TBX4: variants seen among roughly 807,000 people sequenced by gnomAD.
TBX4 encodes the protein T-box transcription factor 4.
A neutral mutation model predicts 54.6 loss-of-function variants in TBX4; 13 were observed. The ratio of observed to expected loss-of-function variants is 0.24; its 90% confidence interval spans 0.15 to 0.38. TBX4 has a LOEUF of 0.38. Ranked by LOEUF, TBX4 falls within the 10% of genes least tolerant of loss-of-function variation. The pLI is 1.00. For synonymous variants in TBX4, 314 were observed against 306.7 expected (o/e 1.02, Z -0.25); for missense variants, 631 against 728.5 (o/e 0.87, Z 1.54).
chr17:61,463,470 G>C (rs908923858), intron 3 of TBX4: 2 of 152,332 alleles, frequency 1.3e-5, no homozygotes, highest in Admixed American at 6.5e-5. Flanking sequence ...CAAGACACCA[G>C]CTGGGGCTGC....
rs1427460418 is a variant in TBX4, at chr17:61,480,764, C to T, written c.1021+445C>T. 6.6e-6 allele frequency among the ~76,000 whole-genome samples: 1 copy of T among 152,182 alleles called. No homozygotes were observed. The highest frequency in any genetic ancestry group is 2.4e-5 in the African/African-American group (1 of 41,444). On this transcript the variant is annotated intron_variant, in intron 8 of 8. Transcript: ENST00000644296. This position sits in a 1 kb window ranked among gnomAD's most constrained non-coding sequence, Gnocchi z 6.2. ...TTGGTGTCTCACGTGCAGGGCCTTC[C>T]ACCCAATCATTCCTTCCAGGATCTG...
intron 5 of TBX4, among the ~76,000 whole-genome samples, chr17:61,468,865 C>G (rs571807043): frequency 2.6e-5 from 4 of 152,296 alleles, no homozygotes; most frequent in African/African-American, 9.6e-5. Context: ...CTTCCTGGGT[C>G]TCCCTGGGCA....
In TBX4 at chr17:61,480,303, C is replaced by T. The variant is rs577197197; in HGVS notation, c.1005C>T (p.His335=). ...AGAGGGACTCAAGCCTCTTCTATCA[C>T]TGCCTGAAAAGACGAGGTAGGGCTC... is the stretch of plus-strand genomic sequence containing the variant. ...PTQRDSSLFY[H]CLKRRADGTR... The change falls in exon 8 of 9, where the codon CAC becomes CAT. Residue 335 remains histidine, a synonymous_variant. Transcript: ENST00000644296. This position sits in a 1 kb window ranked among gnomAD's most constrained non-coding sequence, Gnocchi z 6.2. 326 of 1,613,768 alleles carry T rather than the reference C, an allele frequency of 2.0e-4. 3 individuals are homozygous for T. In the South Asian group the frequency reaches 3.2e-3, roughly 16 times the overall value.
Position 61,456,551 on chromosome 17 carries a change from C to G in TBX4, c.61C>G (p.Leu21Val). The change falls in exon 2 of 9, where the codon CTC becomes GTC. Residue 21 changes from leucine (L) to valine (V), a missense_variant. Leu to Val is a conservative substitution (Grantham distance 32, BLOSUM62 1). This residue lies in a region of TBX4 where 123 missense variants were observed against 120.9 expected (regional missense o/e 1.02). Transcript: ENST00000644296. Reference protein sequence around the residue: ...EEAFRAPGPALGEASAANAPE... With the variant: ...EEAFRAPGPAVGEASAANAPE... Reference sequence around the variant, plus strand: ...GGCCTTCCGGGCCCCGGGCCCAGCGCTCGGAGAGGCCAGCGCAGCCAACGC... The same window carrying G: ...GGCCTTCCGGGCCCCGGGCCCAGCGGTCGGAGAGGCCAGCGCAGCCAACGC... 6.4e-7 allele frequency: 1 copy of G among 1,552,638 alleles called. No individual in the cohort carries two copies. Among genetic ancestry groups the G allele is most frequent in the Non-Finnish European group, 8.7e-7 (1 of 1,148,602 alleles).
At chr17:61,473,247 C>T (rs2060593463) in intron 5 of TBX4, among the ~76,000 whole-genome samples, 1 of 152,210 alleles carries the variant, frequency 6.6e-6, no homozygotes, top group African/African-American at 2.4e-5. Context: ...ATGATAAATG[C>T]AGCCTTTCTT....
chr17:61,471,628 A>AT (rs1004034313), intron 5 of TBX4, among the ~76,000 whole-genome samples: 11 of 151,590 alleles, frequency 7.3e-5, no homozygotes, highest in Admixed American at 6.6e-4. Context: ...CTATAGAAAC[A>AT]TTTTTTGCAT....
In TBX4 at chr17:61,461,473, G is replaced by GGGTT. The variant is rs2060494101; in HGVS notation, c.281+3845_281+3848dup. ...TCCTGAAAAGCCCCCACGGACATCA[G>GGGTT]GGTTGGAGAAACAAAGGGTTTTAAG... On this transcript the variant is annotated intron_variant, in intron 3 of 8. Transcript: ENST00000644296. This position sits in a 1 kb window ranked among gnomAD's most constrained non-coding sequence, Gnocchi z 5.1. Among the ~76,000 whole-genome samples the GGGTT allele has an allele frequency of 6.6e-6, 1 of 152,156 alleles. No homozygotes were observed. Among genetic ancestry groups the GGGTT allele is most frequent in the East Asian group, 1.9e-4 (1 of 5,186 alleles).
At chr17:61,452,948 A>G (rs1330266522) in intron 1 of TBX4, 2 of 985,332 alleles carry the variant, frequency 2.0e-6, no homozygotes, top group Non-Finnish European at 2.4e-6. Context: ...AAGGCCAAGG[A>G]AGAGGGCCCC....
chr17:61,457,559 G>C lies in TBX4; in HGVS notation c.209G>C (p.Gly70Ala), dbSNP rs761779230. Residue 70 changes from glycine (G) to alanine (A), a missense_variant, in exon 3 of 9, where the codon GGG becomes GCG. By Grantham distance (60) the Gly-to-Ala change is moderately conservative. Transcript: ENST00000644296. This position sits in a 1 kb window ranked among gnomAD's most constrained non-coding sequence, Gnocchi z 8.2. ...CAGACCATCGAGAACATCAAGGTGG[G>C]GCTGCATGAGAAGGAGCTCTGGAAG... is the stretch of plus-strand genomic sequence containing the variant. ...AEQTIENIKV[G>A]LHEKELWKKF... 6.2e-7 allele frequency: 1 copy of C among 1,613,958 alleles called. No individual in the cohort carries two copies. Among genetic ancestry groups the C allele is most frequent in the Non-Finnish European group, 8.5e-7 (1 of 1,179,974 alleles).
intron 5 of TBX4, among the ~76,000 whole-genome samples, chr17:61,477,628 C>T (rs1434412861): frequency 6.6e-6 from 1 of 152,210 alleles, no homozygotes; most frequent in African/African-American, 2.4e-5. Context: ...CGTCAGCAGG[C>T]CTCTGTGAAC....
chr17:61,478,503 A>G lies in TBX4; in HGVS notation c.550-124A>G, dbSNP rs1472259575. On this transcript the variant is annotated intron_variant, in intron 5 of 8. Coordinates refer to ENST00000644296, the MANE Select transcript of TBX4 (RefSeq NM_001321120.2). This position sits in a 1 kb window ranked among gnomAD's most constrained non-coding sequence, Gnocchi z 7.4. ...CTTGGGAGCTCCAGTCCTGGTCGGTAGGCCCCGGATCCTGGGCTTTGAGGA... is the reference window on the plus strand; with the variant it reads ...CTTGGGAGCTCCAGTCCTGGTCGGTGGGCCCCGGATCCTGGGCTTTGAGGA... 3.0e-6 allele frequency: 4 copies of G among 1,352,816 alleles called. No homozygotes were observed. The highest frequency in any genetic ancestry group is 3.1e-6 in the Non-Finnish European group (3 of 957,264). 83.8% of individuals were successfully genotyped at this position (1,352,816 alleles called of 1,614,324 possible). A position where few individuals can be genotyped will look rare whatever the true frequency, so the allele number is the denominator to read the frequency against.
Position 61,476,743 on chromosome 17 carries a change from C to T in TBX4, c.550-1884C>T, listed in dbSNP as rs746257115. Among the ~76,000 whole-genome samples, 3 of 152,206 alleles carry T rather than the reference C, an allele frequency of 2.0e-5. No homozygotes were observed. The highest frequency in any genetic ancestry group is 4.4e-5 in the Non-Finnish European group (3 of 68,036). ...GCCTCGTGAAGGTCTGGAGGTTTGTCACTGAGGGCTGAGGCGGGAGTGGCC... is the reference window on the plus strand; with the variant it reads ...GCCTCGTGAAGGTCTGGAGGTTTGTTACTGAGGGCTGAGGCGGGAGTGGCC... On this transcript the variant is annotated intron_variant, in intron 5 of 8. Coordinates refer to ENST00000644296, the MANE Select transcript of TBX4 (RefSeq NM_001321120.2). The surrounding 1 kb of genome is among the most constrained non-coding windows in gnomAD (Gnocchi z 6.5).
rs749137560 is a variant in TBX4 at position 61,465,981 on chromosome 17, C to T, written c.401+43C>T. The T allele has an allele frequency of 6.2e-7, 1 of 1,611,650 alleles. No individual in the cohort carries two copies. The highest frequency in any genetic ancestry group is 8.5e-7 in the Non-Finnish European group (1 of 1,178,384). On this transcript the variant is annotated intron_variant, in intron 4 of 8. Coordinates refer to ENST00000644296, the MANE Select transcript of TBX4 (RefSeq NM_001321120.2). This position sits in a 1 kb window ranked among gnomAD's most constrained non-coding sequence, Gnocchi z 4.9. Reference sequence around the variant, plus strand: ...GCATCACCCACGTTCCCTCAACTGCCCACTTGCCACGCCCCCACCTAGTGT... The same window carrying T: ...GCATCACCCACGTTCCCTCAACTGCTCACTTGCCACGCCCCCACCTAGTGT...
rs1444073214 is a variant in TBX4, at chr17:61,483,307, C to T, written c.1432C>T (p.Leu478Phe). The change falls in exon 9 of 9, where the codon CTC becomes TTC. Residue 478 changes from leucine (L) to phenylalanine (F), a missense_variant. Coordinates refer to ENST00000644296, the MANE Select transcript of TBX4 (RefSeq NM_001321120.2). The surrounding 1 kb of genome is among the most constrained non-coding windows in gnomAD (Gnocchi z 6.6). ...GNAHFSVYNQ[L>F]SQSQVRERGP... ...TGCCCACTTTAGTGTCTACAATCAG[C>T]TCTCCCAGTCTCAGGTCCGAGAGCG... 5 of 1,611,950 alleles carry T rather than the reference C, an allele frequency of 3.1e-6. No homozygotes were observed. The highest frequency in any genetic ancestry group is 1.1e-5 in the South Asian group (1 of 91,058).
rs553899491 is a variant in TBX4 at position 61,478,878 on chromosome 17, A to C, written c.702+99A>C. The C allele has an allele frequency of 5.5e-5, 88 of 1,598,804 alleles. No homozygotes were observed. The African/African-American group carries it at 1.1e-3, about 20-fold the overall frequency. On this transcript the variant is annotated intron_variant, in intron 6 of 8. Coordinates refer to ENST00000644296, the MANE Select transcript of TBX4 (RefSeq NM_001321120.2). The surrounding 1 kb of genome is among the most constrained non-coding windows in gnomAD (Gnocchi z 7.4). ...CAGAGTGTGAAGCCAGAGTCCCAGC[A>C]GGGCTTGGGCAGGCCCAGTGCAGGG...
rs1432548003 is a variant in TBX4 at position 61,474,217 on chromosome 17, C to T, written c.550-4410C>T. ...AGTATCTGACAAAATGGACATTAGC[C>T]ACACTTTTGAGGGGCTAGCATCCAG... On this transcript the variant is annotated intron_variant, in intron 5 of 8. Coordinates refer to ENST00000644296, the MANE Select transcript of TBX4 (RefSeq NM_001321120.2). This position sits in a 1 kb window ranked among gnomAD's most constrained non-coding sequence, Gnocchi z 4.6. Among the ~76,000 whole-genome samples, 1 of 152,128 alleles carries T rather than the reference C, an allele frequency of 6.6e-6. No homozygotes were observed. Among genetic ancestry groups the T allele is most frequent in the African/African-American group, 2.4e-5 (1 of 41,426 alleles).
chr17:61,458,292 A>T (rs922785863), intron 3 of TBX4, among the ~76,000 whole-genome samples: 2 of 130,074 alleles, frequency 1.5e-5, no homozygotes, highest in African/African-American at 6.0e-5. Flanking sequence ...AGGAAGACTC[A>T]CGGCGGGGGT....
intron 1 of TBX4, 39 bp from the exon 2 acceptor site, chr17:61,456,449 G>A (rs1052923226): frequency 6.5e-6 from 10 of 1,548,530 alleles, no homozygotes; most frequent in Non-Finnish European, 8.7e-6. Context: ...TGGCGAGTGT[G>A]GACCTGGGCG....
In TBX4 at chr17:61,475,975, C is replaced by T. The variant is rs1457177511; in HGVS notation, c.550-2652C>T. On this transcript the variant is annotated intron_variant, in intron 5 of 8. Transcript: ENST00000644296. The surrounding 1 kb of genome is among the most constrained non-coding windows in gnomAD (Gnocchi z 5.0). ...GATGATCTCGTCTTTAGTGAGCAAG[C>T]AAAGACCAGAGAGGAGGGGACTTGC... 2.0e-5 allele frequency among the ~76,000 whole-genome samples: 3 copies of T among 151,966 alleles called. No homozygotes were observed. The highest frequency in any genetic ancestry group is 7.3e-5 in the African/African-American group (3 of 41,350).
Sources: gnomAD v4.1 joint callset for allele counts (sites outside exome capture counted in the v4.1 genomes callset) on GRCh38, gnomAD v4.1.1 for gene constraint, gnomAD v4.1.1 regional missense constraint, Gnocchi (gnomAD v3.1) non-coding constraint, MANE v1.5 for transcripts, NCBI Gene and HGNC (gene_info 2026-07-23, HGNC 2026-07-21) for gene names.